HSPBAP1: variants seen among roughly 807,000 people sequenced by gnomAD.
The protein encoded by HSPBAP1 is HSPB1 associated protein 1.
Under a neutral mutation model 45.2 loss-of-function variants are expected in HSPBAP1, and 27 were observed. That is an observed-to-expected ratio of 0.60 (90% CI 0.44 to 0.82). The LOEUF is 0.82. HSPBAP1 is among the 40% of genes least tolerant of loss of function. The probability of loss-of-function intolerance (pLI) is 0.00; values close to 1 mark genes in which losing one functional copy is unlikely to be tolerated. For synonymous variants in HSPBAP1, 204 were observed against 202.7 expected (o/e 1.01, Z -0.06); for missense variants, 510 against 590.9 (o/e 0.86, Z 1.42).
At chr3:122,765,810 A>G (rs1450396771) in intron 3 of HSPBAP1, among the ~76,000 whole-genome samples, 1 of 152,208 alleles carries the variant, frequency 6.6e-6, no homozygotes, top group Non-Finnish European at 1.5e-5. Context: ...CATTCTGTGC[A>G]AGACAGACCA....
intron 5 of HSPBAP1, chr3:122,753,578 G>C: frequency 1.0e-6 from 1 of 984,024 alleles, no homozygotes; most frequent in African/African-American, 1.7e-5. Flanking sequence ...AAGAAGGATG[G>C]CATCTATCCA....
Position 122,765,244 on chromosome 3 carries a change from G to A in HSPBAP1, c.432+3457C>T, listed in dbSNP as rs542664005. Among the ~76,000 whole-genome samples, 5 of 152,182 alleles carry A rather than the reference G, an allele frequency of 3.3e-5. No individual in the cohort carries two copies. In the East Asian group the frequency reaches 5.8e-4, roughly 18 times the overall value. ...ATTTGGATTGAAATATTTATCCTTCGTAAGTTTTGGATAGTAATTATAGTT... is the reference window on the plus strand; with the variant it reads ...ATTTGGATTGAAATATTTATCCTTCATAAGTTTTGGATAGTAATTATAGTT... On this transcript the variant is annotated intron_variant, in intron 3 of 7. Coordinates refer to ENST00000306103, the MANE Select transcript of HSPBAP1 (RefSeq NM_024610.6).
At chr3:122,775,917 A>G (rs55655344) in intron 2 of HSPBAP1, among the ~76,000 whole-genome samples, 19,584 of 152,268 alleles carry the variant, frequency 0.13, 1,457 homozygotes, top group Middle Eastern at 0.19. Context: ...TTGTACAACA[A>G]AATATTATTT....
Position 122,740,808 on chromosome 3 carries a change from C to A in HSPBAP1, c.1004G>T (p.Arg335Leu). ...TTCTACTACCTCAGATGTTCTGCAG[C>A]GATCAAAAAATGCAGAAACAGCTGC... is the stretch of plus-strand genomic sequence containing the variant. ...LNAAVSAFFD[R>L]CRTSEVVEIQ... Residue 335 changes from arginine (R) to leucine (L), a missense_variant, in exon 8 of 8, where the codon CGC (arginine) becomes CTC (leucine). Arg to Leu is a moderately radical substitution (Grantham distance 102, BLOSUM62 -2). Transcript: ENST00000306103. 6.2e-7 allele frequency: 1 copy of A among 1,613,988 alleles called. No individual in the cohort carries two copies. The highest frequency in any genetic ancestry group is 8.5e-7 in the Non-Finnish European group (1 of 1,180,002).
chr3:122,747,860 C>T (rs377675461), intron 6 of HSPBAP1, among the ~76,000 whole-genome samples: 8 of 151,952 alleles, frequency 5.3e-5, no homozygotes, highest in East Asian at 1.9e-4. Context: ...TGTGCCCGGC[C>T]GCCACCCCGT....
intron 6 of HSPBAP1, among the ~76,000 whole-genome samples, chr3:122,745,561 C>T (rs1933817696): frequency 6.6e-6 from 1 of 152,152 alleles, no homozygotes; most frequent in Non-Finnish European, 1.5e-5. Context: ...TGAAATCTCT[C>T]ACCATTCCAC....
At chr3:122,761,855 A>G (rs1365940588) in intron 3 of HSPBAP1, 1 of 151,430 alleles carries the variant, frequency 6.6e-6, no homozygotes, top group Middle Eastern at 3.4e-3. Flanking sequence ...GAGAGTTGGG[A>G]TTCTCTTCCC....
intron 3 of HSPBAP1, among the ~76,000 whole-genome samples, chr3:122,762,657 A>G (rs529282618): frequency 6.6e-6 from 1 of 152,256 alleles, no homozygotes; most frequent in African/African-American, 2.4e-5. Context: ...GTAATGTTTA[A>G]TTTCAAATTT....
rs116341003 is a variant in HSPBAP1 at position 122,750,737 on chromosome 3, G to T, written c.825+1854C>A. On this transcript the variant is annotated intron_variant, in intron 6 of 7. Coordinates refer to ENST00000306103, the MANE Select transcript of HSPBAP1 (RefSeq NM_024610.6). ...AGTGTGGGGCACTAAAGGAGAAAGG[G>T]TATCCTGGGATATCTTCCTGTGCCA... Among the ~76,000 whole-genome samples the T allele has an allele frequency of 2.4e-3, 359 of 152,262 alleles. 2 individuals carry two copies. Among genetic ancestry groups the T allele is most frequent in the African/African-American group, 7.9e-3 (330 of 41,524 alleles).
At chr3:122,753,421 G>GC in intron 5 of HSPBAP1, 2 of 979,334 alleles carry the variant, frequency 2.0e-6, no homozygotes, top group Non-Finnish European at 2.4e-6. Context: ...GGCACTAGGA[G>GC]TTGTTGAGAA....
chr3:122,752,639 T>C lies in HSPBAP1; in HGVS notation c.777A>G (p.Val259=). ...TGACAGTGACAGGATCAATGGATTC[T>C]ACGTAATGCCACCAGTGTCTGGGAA... is the stretch of plus-strand genomic sequence containing the variant. ...LFVPRHWWHY[V]ESIDPVTVSI... Residue 259 remains valine (V), a synonymous_variant, in exon 6 of 8, where the codon GTA becomes GTG. Transcript: ENST00000306103. 6.2e-7 allele frequency: 1 copy of C among 1,608,876 alleles called. No individual in the cohort carries two copies. The highest frequency in any genetic ancestry group is 8.5e-7 in the Non-Finnish European group (1 of 1,178,316).
At chr3:122,744,589 G>A (rs2107496352) in intron 6 of HSPBAP1, among the ~76,000 whole-genome samples, 1 of 152,330 alleles carries the variant, frequency 6.6e-6, no homozygotes, top group East Asian at 1.9e-4. Flanking sequence ...GAAGGAACTG[G>A]AGGTCTGGTT....
chr3:122,757,682 A>G (rs781168137), intron 4 of HSPBAP1, among the ~76,000 whole-genome samples: 11 of 152,194 alleles, frequency 7.2e-5, no homozygotes, highest in Non-Finnish European at 1.5e-4. Flanking sequence ...CTCAATGGAT[A>G]TTTACTAAAG....
chr3:122,780,095 C>T (rs1227464367), intron 1 of HSPBAP1, among the ~76,000 whole-genome samples: 6 of 150,160 alleles, frequency 4.0e-5, no homozygotes, highest in African/African-American at 1.2e-4. Flanking sequence ...CGGGCAGAGG[C>T]GCCCCTCACC....
At chr3:122,771,139 C>G (rs1368480337) in intron 2 of HSPBAP1, among the ~76,000 whole-genome samples, 2 of 152,192 alleles carry the variant, frequency 1.3e-5, no homozygotes, top group African/African-American at 4.8e-5. Context: ...AGAACTGTTA[C>G]TGTCAGGGGA....
chr3:122,762,445 C>T (rs2107516628), intron 3 of HSPBAP1, among the ~76,000 whole-genome samples: 1 of 152,268 alleles, frequency 6.6e-6, no homozygotes, highest in South Asian at 2.1e-4. Flanking sequence ...ACCCGCACAT[C>T]ATACCATTAA....
At chr3:122,785,711 G>A (rs1347834230) in intron 1 of HSPBAP1, among the ~76,000 whole-genome samples, 1 of 152,090 alleles carries the variant, frequency 6.6e-6, no homozygotes, top group African/African-American at 2.4e-5. Flanking sequence ...AAGTGTCACT[G>A]AATAATTTTT....
intron 6 of HSPBAP1, among the ~76,000 whole-genome samples, chr3:122,748,891 C>G (rs1171843612): frequency 6.6e-6 from 1 of 152,076 alleles, no homozygotes; most frequent in African/African-American, 2.4e-5. Context: ...CAGTGAAGTA[C>G]TAGACAGTGG....
At chr3:122,746,548 A>C (rs72966368) in intron 6 of HSPBAP1, among the ~76,000 whole-genome samples, 11,286 of 152,012 alleles carry the variant, frequency 0.074, 621 homozygotes, top group African/African-American at 0.15. Flanking sequence ...TGTAAAATAA[A>C]TGATGGTCCT....
Sources: gnomAD v4.1 joint callset for allele counts (sites outside exome capture counted in the v4.1 genomes callset) on GRCh38, gnomAD v4.1.1 for gene constraint, MANE v1.5 for transcripts, NCBI Gene and HGNC (gene_info 2026-07-23, HGNC 2026-07-21) for gene names.